Variants in MVP observed in about 807,000 individuals in gnomAD.
The protein encoded by MVP is lung resistance-related protein.
Under a neutral mutation model 83.5 loss-of-function variants are expected in MVP, and 62 were observed. The ratio of observed to expected loss-of-function variants is 0.74; its 90% CI spans 0.61 to 0.92. The LOEUF (loss-of-function observed/expected upper bound fraction) is 0.92. Ranked by LOEUF, MVP falls within the 40% of genes least tolerant of loss-of-function variation. MVP has a pLI of 0.00. For missense variants in MVP, 1,000 were observed against 1,203.4 expected, an observed-to-expected ratio of 0.83 and a Z score of 2.50; for synonymous variants, 505 against 504.1, an observed-to-expected ratio of 1.00 and a Z score of -0.02.
intron 3 of MVP, 32 bp from the exon 4 acceptor site, chr16:29,833,701 T>C: frequency 6.2e-7 from 1 of 1,613,108 alleles, no homozygotes; most frequent in South Asian, 1.1e-5. Flanking sequence ...ACAGCACTGA[T>C]GGTTCTGTGT....
chr16:29,827,926 T>C (rs1484644867), intron 1 of MVP, among the ~76,000 whole-genome samples: 1 of 152,128 alleles, frequency 6.6e-6, no homozygotes. Context: ...AAAAATAATT[T>C]AAAAATTTAG....
At chr16:29,845,292 C>T (rs938896248) in intron 11 of MVP, among the ~76,000 whole-genome samples, 1 of 152,062 alleles carries the variant, frequency 6.6e-6, no homozygotes. Flanking sequence ...CAGCTCCAGC[C>T]GGCCTCCCCC....
chr16:29,841,565 G>A lies in MVP; in HGVS notation c.1192-31G>A, dbSNP rs377537035. 2.7e-5 allele frequency: 41 copies of A among 1,546,542 alleles called. No individual in the cohort carries two copies. Among genetic ancestry groups the A allele is most frequent in the African/African-American group, 1.2e-4 (9 of 72,974 alleles). On this transcript the variant is annotated intron_variant, in intron 8 of 14. Coordinates refer to ENST00000357402, the MANE Select transcript of MVP (RefSeq NM_005115.5). The surrounding 1 kb of genome is among the most constrained non-coding windows in gnomAD (Gnocchi z 4.7). ...GGATCTTCCTCCCTTCCACCCTTACGGGCAGCTTCCCTCCCTGTCCTCGTC... is the reference window on the plus strand; with the variant it reads ...GGATCTTCCTCCCTTCCACCCTTACAGGCAGCTTCCCTCCCTGTCCTCGTC...
chr16:29,840,235 G>A lies in MVP; in HGVS notation c.967G>A (p.Val323Met), dbSNP rs752156234. ...GEQLEQGIQD[V>M]YVLSEQQGLL... ...GCAGCTGGAACAAGGCATCCAGGAT[G>A]TGTATGTGCTGTCGGAGCAGCAGGG... Residue 323 changes from valine to methionine, a missense_variant, in exon 8 of 15, where the codon GTG becomes ATG. Transcript: ENST00000357402. 30 of 1,613,882 alleles carry A rather than the reference G, an allele frequency of 1.9e-5. No homozygotes were observed. The highest frequency in any genetic ancestry group is 1.5e-5 in the Non-Finnish European group (18 of 1,179,988).
chr16:29,836,990 C>T, intron 7 of MVP, 32 bp downstream of exon 7: 7 of 1,574,276 alleles, frequency 4.4e-6, no homozygotes, highest in Non-Finnish European at 6.1e-6. Context: ...AGAGGACTGC[C>T]CTGGGAGATG....
intron 3 of MVP, among the ~76,000 whole-genome samples, chr16:29,832,401 A>C (rs965183763): frequency 3.5e-5 from 5 of 144,680 alleles, no homozygotes; most frequent in South Asian, 4.4e-4. Context: ...AGGTTCACGC[A>C]ATTCTCCTGC....
At chr16:29,826,648 C>T (rs924328810) in intron 1 of MVP, among the ~76,000 whole-genome samples, 4 of 142,518 alleles carry the variant, frequency 2.8e-5, no homozygotes, top group African/African-American at 1.0e-4. Flanking sequence ...AAAGGCCGGG[C>T]GTGGTGGCTC....
rs61338952 is a variant in MVP, at chr16:29,824,211, CAAAAAAAAAAAAAA to C, written c.-36+3718_-36+3731del. 1.9e-3 allele frequency among the ~76,000 whole-genome samples: 76 copies of C among 39,668 alleles called. 2 individuals are homozygous for C. The highest frequency in any genetic ancestry group is 0.062 in the Middle Eastern group (2 of 32). 26.0% of individuals were successfully genotyped at this position (39,668 alleles called of 152,430 possible). On this transcript the variant is annotated intron_variant, in intron 1 of 14. Transcript: ENST00000357402. ...GGGCAACAAGCACGAAACTCCATCT[CAAAAAAAAAAAAAA>C]AAAAAAAAAAAAAAAACAGATTTCC...
At chr16:29,829,283 G>A (rs1596911799) in intron 1 of MVP, among the ~76,000 whole-genome samples, 2 of 150,554 alleles carry the variant, frequency 1.3e-5, no homozygotes, top group African/African-American at 2.5e-5. Context: ...CCAGGAATTC[G>A]AGACCAGCCT....
intron 6 of MVP, among the ~76,000 whole-genome samples, chr16:29,836,505 A>T (rs545320745): frequency 6.6e-5 from 10 of 151,604 alleles, no homozygotes; most frequent in African/African-American, 2.2e-4. Flanking sequence ...TGAACCTAGG[A>T]GGCGGAAGTT....
Position 29,840,231 on chromosome 16 carries a change from G to A in MVP, c.963G>A (p.Gln321=). ...QPGEQLEQGI[Q]DVYVLSEQQG... ...GAGAGCAGCTGGAACAAGGCATCCAGGATGTGTATGTGCTGTCGGAGCAGC... is the reference window on the plus strand; with the variant it reads ...GAGAGCAGCTGGAACAAGGCATCCAAGATGTGTATGTGCTGTCGGAGCAGC... Residue 321 remains glutamine (Q), a synonymous_variant, in exon 8 of 15, where the codon CAG becomes CAA. Transcript: ENST00000357402. The A allele has an allele frequency of 6.2e-7, 1 of 1,613,928 alleles. No individual in the cohort carries two copies. The highest frequency in any genetic ancestry group is 1.1e-5 in the South Asian group (1 of 91,070).
chr16:29,831,829 T>C (rs1322884420), intron 3 of MVP: 1 of 417,838 alleles, frequency 2.4e-6, no homozygotes, highest in Non-Finnish European at 4.9e-6. Context: ...AGCCAGGCTC[T>C]TGTCCCCGTT....
chr16:29,830,789 C>A (rs374438989), intron 2 of MVP, 89 bp from the exon 3 acceptor site: 2 of 1,566,176 alleles, frequency 1.3e-6, no homozygotes, highest in Admixed American at 3.6e-5. Flanking sequence ...CTCGCTTGGG[C>A]GATAGAGAGG....
Position 29,840,302 on chromosome 16 carries a change from A to T in MVP, c.1034A>T (p.Asp345Val). 6.2e-7 allele frequency: 1 copy of T among 1,613,394 alleles called. No individual in the cohort carries two copies. The highest frequency in any genetic ancestry group is 1.7e-5 in the Admixed American group (1 of 59,852). Residue 345 changes from aspartate (D) to valine (V), a missense_variant, in exon 8 of 15, where the codon GAT becomes GTT. Asp to Val is a radical substitution (Grantham distance 152). Transcript: ENST00000357402. ...CTGCAGCCCCTGGAGGAGGGGGAGGATGAGGAGAAGGTCTCACACCAGGCT... is the reference window on the plus strand; with the variant it reads ...CTGCAGCCCCTGGAGGAGGGGGAGGTTGAGGAGAAGGTCTCACACCAGGCT... ...RALQPLEEGEDEEKVSHQAGD... is the reference protein window; with the variant it reads ...RALQPLEEGEVEEKVSHQAGD...
At position 29,830,887 on chromosome 16, in the gene MVP, TG is replaced by T. The variant is rs2067436243; in HGVS notation, c.136del (p.Ala46ProfsTer6). 6.2e-7 allele frequency: 1 copy of T among 1,612,074 alleles called. No individual in the cohort carries two copies. Among genetic ancestry groups the T allele is most frequent in the Non-Finnish European group, 8.5e-7 (1 of 1,178,440 alleles). On this transcript the variant is annotated frameshift_variant, in exon 3 of 15. Transcript: ENST00000357402. LOFTEE classifies it high-confidence loss of function. ...TCTCATCTTCCTGCAGGGTACTGTT[TG>T]CCCCCATGCGCATGGTGACCGTCCC... ...IRQDNERVLFAPMRMVTVPPR... is the reference protein window; with the variant it reads ...IRQDNERVLFXPMRMVTVPPR...
At chr16:29,840,724 C>A (rs898606541) in intron 8 of MVP, among the ~76,000 whole-genome samples, 4 of 152,092 alleles carry the variant, frequency 2.6e-5, no homozygotes, top group African/African-American at 9.7e-5. Context: ...GGCGGATCAC[C>A]TGAGGTCAGG....
intron 1 of MVP, among the ~76,000 whole-genome samples, chr16:29,828,492 G>A (rs2067418979): frequency 6.6e-6 from 1 of 152,152 alleles, no homozygotes; most frequent in South Asian, 2.1e-4. Context: ...CAATCCTCCT[G>A]TCTCAGCCCC....
At chr16:29,847,424 C>T (rs777105782) in intron 14 of MVP, 39 bp downstream of exon 14, 2 of 1,505,964 alleles carry the variant, frequency 1.3e-6, no homozygotes, top group East Asian at 4.6e-5. Flanking sequence ...CAGGACCAAC[C>T]TTGAAACCAG....
rs1267470342 is a variant in MVP, at chr16:29,847,794, A to AACCCT, written c.2488_2492dup (p.Ile832ProfsTer67). ...TGCTCCAGTCCCTGGGCCTGAAATCAACCCTCATCACCGATGGCTCCACTC... is the reference window on the plus strand; with the variant it reads ...TGCTCCAGTCCCTGGGCCTGAAATCAACCCTACCCTCATCACCGATGGCTCCACTC... On this transcript the variant is annotated frameshift_variant, in exon 15 of 15. Transcript: ENST00000357402. LOFTEE classifies it low-confidence loss of function (END_TRUNC). 6.2e-7 allele frequency: 1 copy of AACCCT among 1,614,180 alleles called. No individual in the cohort carries two copies. Among genetic ancestry groups the AACCCT allele is most frequent in the South Asian group, 1.1e-5 (1 of 91,082 alleles).
Sources: gnomAD v4.1 joint callset for allele counts (sites outside exome capture counted in the v4.1 genomes callset) on GRCh38, gnomAD v4.1.1 for gene constraint, Gnocchi (gnomAD v3.1) non-coding constraint, MANE v1.5 for transcripts, NCBI Gene and HGNC (gene_info 2026-07-23, HGNC 2026-07-21) for gene names.